APOO: variants seen among roughly 807,000 people sequenced by gnomAD.
APOO encodes apolipoprotein O.
A neutral mutation model predicts 23.1 loss-of-function variants in APOO; 11 were observed. The observed-to-expected ratio is 0.48, with a 90% CI of 0.30 to 0.79. The LOEUF (loss-of-function observed/expected upper bound fraction) is 0.79, where lower values mean the gene tolerates loss of function less well. Ranked by LOEUF, APOO falls within the 30% of genes least tolerant of loss-of-function variation. The pLI, the probability that APOO is intolerant of heterozygous loss-of-function variation, is 0.07. For missense variants in APOO, 160 were observed against 142.7 expected, an observed-to-expected ratio of 1.12 and a Z score of -0.62; for synonymous variants, 59 against 54.8, an observed-to-expected ratio of 1.08 and a Z score of -0.34.
At chrX:23,905,285 G>A (rs149199916) in intron 1 of APOO, among the ~76,000 whole-genome samples, 1,612 of 109,935 alleles carry the variant, frequency 0.015, 30 homozygotes, top group African/African-American at 0.049. Context: ...TAGCTACTCA[G>A]AGGCTGAGGC....
At position 23,907,677 on chromosome X, in the gene APOO, C is replaced by A; in HGVS notation, c.9+17G>T. The stretch of plus-strand genomic sequence containing the variant: ...GGAGGGGGCGGTGACAGCTGTGACT[C>A]GACTCCACGCTCTCACCTTGAACAT... On this transcript the variant is annotated intron_variant, in intron 1 of 8. Coordinates refer to ENST00000379226, the MANE Select transcript of APOO (RefSeq NM_024122.5). 1 of 1,155,860 alleles carries A rather than the reference C, an allele frequency of 8.7e-7. No individual in the cohort carries two copies. Among genetic ancestry groups the A allele is most frequent in the Non-Finnish European group, 1.2e-6 (1 of 868,469 alleles).
intron 1 of APOO, among the ~76,000 whole-genome samples, chrX:23,882,472 C>T (rs187431780): frequency 6.1e-4 from 68 of 111,527 alleles, no homozygotes; most frequent in African/African-American, 2.0e-3. Context: ...TTATTTTCCA[C>T]CTCTCCTCCA....
intron 1 of APOO, among the ~76,000 whole-genome samples, chrX:23,891,028 G>A (rs6629758): frequency 0.12 from 12,833 of 110,102 alleles, 873 homozygotes; most frequent in South Asian, 0.51. Flanking sequence ...TGAAACTGGT[G>A]ACTACTCTAC....
rs193195638 is a variant in APOO at position 23,886,139 on chromosome X, C to T, written c.10-5187G>A. 1.6e-3 allele frequency among the ~76,000 whole-genome samples: 179 copies of T among 111,403 alleles called. 1 individual carries two copies. Among genetic ancestry groups the T allele is most frequent in the Non-Finnish European group, 2.7e-3 (145 of 53,107 alleles). The stretch of plus-strand genomic sequence containing the variant: ...CAGTCAAAAACATCTCCAGACACTG[C>T]CAAATGTCTCCTGGGGAGCAACTCT... On this transcript the variant is annotated intron_variant, in intron 1 of 8. Transcript: ENST00000379226.
intron 5 of APOO, among the ~76,000 whole-genome samples, chrX:23,865,631 A>G (rs1925302115): frequency 9.3e-6 from 1 of 107,131 alleles, no homozygotes; most frequent in Admixed American, 1.0e-4. Flanking sequence ...TCCTATCAGG[A>G]GGGACCTTCT....
intron 4 of APOO, among the ~76,000 whole-genome samples, chrX:23,871,707 T>C (rs924486081): frequency 3.6e-5 from 4 of 112,107 alleles, no homozygotes; most frequent in Non-Finnish European, 7.5e-5. Context: ...TGATTATCTC[T>C]GTATTTGCAC....
chrX:23,891,584 A>G (rs1248055885), intron 1 of APOO, among the ~76,000 whole-genome samples: 1 of 111,739 alleles, frequency 8.9e-6, no homozygotes, highest in Non-Finnish European at 1.9e-5. Flanking sequence ...CAGTATCCCT[A>G]GCCTGGGCCT....
chrX:23,837,495 C>A (rs1923749472), intron 8 of APOO, among the ~76,000 whole-genome samples: 1 of 109,706 alleles, frequency 9.1e-6, no homozygotes, highest in Non-Finnish European at 1.9e-5. Context: ...CCCATCCCCC[C>A]AGATAAATAA....
chrX:23,840,077 G>A (rs1923895243), intron 8 of APOO: 1 of 224,602 alleles, frequency 4.5e-6, no homozygotes, highest in Admixed American at 7.0e-5. Context: ...AAATACATTT[G>A]TAGACAAATC....
intron 1 of APOO, among the ~76,000 whole-genome samples, chrX:23,898,326 C>T (rs1473708343): frequency 9.1e-6 from 1 of 109,977 alleles, no homozygotes; most frequent in African/African-American, 3.3e-5. Context: ...TGGTCTCAAA[C>T]TCCTGGACTC....
At chrX:23,882,993 C>T (rs764032755) in intron 1 of APOO, among the ~76,000 whole-genome samples, 21 of 111,332 alleles carry the variant, frequency 1.9e-4, no homozygotes, top group Non-Finnish European at 3.6e-4. Context: ...GCACAAGAAT[C>T]GCTTGAACCC....
At chrX:23,849,336 G>A (rs147198156) in intron 7 of APOO, among the ~76,000 whole-genome samples, 1 of 108,785 alleles carries the variant, frequency 9.2e-6, no homozygotes, top group African/African-American at 3.3e-5. Context: ...CCAGACTTAT[G>A]TGCCTACGTG....
chrX:23,893,874 C>A (rs1926783076), intron 1 of APOO, among the ~76,000 whole-genome samples: 1 of 110,379 alleles, frequency 9.1e-6, no homozygotes, highest in Non-Finnish European at 1.9e-5. Context: ...GCCCGGCCAG[C>A]AATCCTTTCT....
intron 7 of APOO, among the ~76,000 whole-genome samples, chrX:23,854,303 G>A (rs1280188041): frequency 7.2e-5 from 8 of 111,625 alleles, no homozygotes; most frequent in Admixed American, 2.9e-4. Flanking sequence ...TTTGGTGTGC[G>A]TGTGTGTCTG....
chrX:23,834,986 G>C (rs781521062), intron 8 of APOO, among the ~76,000 whole-genome samples: 3 of 109,142 alleles, frequency 2.7e-5, no homozygotes, highest in Admixed American at 2.0e-4. Flanking sequence ...GCTTCCCAAA[G>C]TGCTGGGATT....
intron 5 of APOO, among the ~76,000 whole-genome samples, chrX:23,866,822 A>T (rs1195419142): frequency 9.5e-6 from 1 of 105,554 alleles, no homozygotes; most frequent in Non-Finnish European, 1.9e-5. Flanking sequence ...AAATAAGGCC[A>T]GGTGTAGTGG....
intron 1 of APOO, among the ~76,000 whole-genome samples, chrX:23,905,197 G>A (rs954978950): frequency 1.8e-5 from 2 of 109,160 alleles, no homozygotes; most frequent in African/African-American, 6.7e-5. Flanking sequence ...GACCAGCCTG[G>A]CCAACACATG....
chrX:23,907,704 T>G lies in APOO; in HGVS notation c.-2A>C, dbSNP rs1372153116. 1.7e-6 allele frequency: 2 copies of G among 1,159,869 alleles called. No individual in the cohort carries two copies. The highest frequency in any genetic ancestry group is 2.0e-5 in the South Asian group (1 of 50,990). Reference sequence around the variant, plus strand: ...ACTCCACGCTCTCACCTTGAACATGTCGCTGGCAGCGGAGGCTCCGGCAGG... The same window carrying G: ...ACTCCACGCTCTCACCTTGAACATGGCGCTGGCAGCGGAGGCTCCGGCAGG... On this transcript the variant is annotated 5_prime_UTR_variant, in exon 1 of 9. Coordinates refer to ENST00000379226, the MANE Select transcript of APOO (RefSeq NM_024122.5).
chrX:23,896,052 G>A (rs1300106397), intron 1 of APOO, among the ~76,000 whole-genome samples: 2 of 110,316 alleles, frequency 1.8e-5, no homozygotes, highest in African/African-American at 6.6e-5. Context: ...GGCAGACCAC[G>A]AGGTCAGTGG....
Sources: allele counts gnomAD v4.1 joint callset (sites outside exome capture counted in the v4.1 genomes callset), GRCh38; gene constraint gnomAD v4.1.1; transcripts MANE v1.5; gene names NCBI Gene and HGNC (gene_info 2026-07-23, HGNC 2026-07-21).